BFSP1: variants seen among roughly 807,000 people sequenced by gnomAD.
The protein encoded by BFSP1 is beaded filament structural protein 1.
BFSP1 carries 38 observed loss-of-function variants against 43.9 expected under a neutral mutation model. The observed-to-expected ratio is 0.87, with a 90% CI of 0.67 to 1.14. BFSP1 has a LOEUF of 1.14. BFSP1 is among the 50% of genes most tolerant of loss of function. The pLI is 0.00. For missense variants in BFSP1, 850 were observed against 875.1 expected (o/e 0.97, Z 0.36); for synonymous variants, 352 against 354.8 (o/e 0.99, Z 0.09).
rs746113653 is a variant in BFSP1, at chr20:17,524,888, C to T, written c.398G>A (p.Cys133Tyr). ...AAGCATTTCTTTTAGCAGGAGTTGA[C>T]ATTCGCACTCATTTTCATACCTGCA... ...FRSKYENECE[C>Y]QLLLKEMLER... Residue 133 changes from cysteine (C) to tyrosine (Y), a missense_variant, in exon 2 of 8, where the codon TGT (cysteine) becomes TAT (tyrosine). Coordinates refer to ENST00000377873, the MANE Select transcript of BFSP1 (RefSeq NM_001195.5). 2 of 1,614,124 alleles carry T rather than the reference C, an allele frequency of 1.2e-6. No individual in the cohort carries two copies. Among genetic ancestry groups the T allele is most frequent in the Non-Finnish European group, 8.5e-7 (1 of 1,179,978 alleles).
At chr20:17,542,988 C>T (rs1356799781) in intron 1 of BFSP1, among the ~76,000 whole-genome samples, 2 of 152,106 alleles carry the variant, frequency 1.3e-5, no homozygotes, top group Admixed American at 6.5e-5. Context: ...GTTTCAGCAC[C>T]GCTAGAGGAA....
upstream of BFSP1, chr20:17,562,833 C>T (rs752536282): frequency 6.6e-6 from 1 of 152,158 alleles, no homozygotes; most frequent in East Asian, 1.9e-4. Context: ...AAATAGATGC[C>T]AGGGCCCTTG....
In BFSP1 at chr20:17,514,724, C is replaced by T; in HGVS notation, c.531G>A (p.Lys177=). Residue 177 remains lysine, a synonymous_variant, in exon 3 of 8, where the codon AAG becomes AAA. Coordinates refer to ENST00000377873, the MANE Select transcript of BFSP1 (RefSeq NM_001195.5). ...GGCTTCAAGGGGTCATGATTACCTT[C>T]TTGTGCCTGTCCTTTGCCGCACTGA... ...DDISAAKDRH[K]KNLLEVQTYI... is the part of the protein sequence containing the mutation. 1 of 1,613,932 alleles carries T rather than the reference C, an allele frequency of 6.2e-7. No homozygotes were observed.
At chr20:17,538,069 CAA>C (rs2034658594) in intron 1 of BFSP1, among the ~76,000 whole-genome samples, 1 of 151,300 alleles carries the variant, frequency 6.6e-6, no homozygotes, top group African/African-American at 2.4e-5. Flanking sequence ...TGCCGTGAGC[CAA>C]GACTGTGCCA....
At chr20:17,563,886 A>G (rs1028169172), upstream of BFSP1, among the ~76,000 whole-genome samples, 3 of 96,960 alleles carry the variant, frequency 3.1e-5, no homozygotes, top group African/African-American at 5.0e-5. Flanking sequence ...GACCGTGTCT[A>G]AAAAAAAAAA....
Position 17,556,343 on chromosome 20 carries a change from C to T in BFSP1, c.2+2345G>A, listed in dbSNP as rs145163811. Among the ~76,000 whole-genome samples, 170 of 151,932 alleles carry T rather than the reference C, an allele frequency of 1.1e-3. 1 individual carries two copies. Among genetic ancestry groups the T allele is most frequent in the African/African-American group, 3.8e-3 (158 of 41,458 alleles). On this transcript the variant is annotated intron_variant, in intron 1 of 7. Coordinates refer to the BFSP1 transcript ENST00000377868. Reference sequence around the variant, plus strand: ...CATAGCAAGACTCTACAAAAAAATACAATAGTTAGCTGGGCATGGTGGTGT... The same window carrying T: ...CATAGCAAGACTCTACAAAAAAATATAATAGTTAGCTGGGCATGGTGGTGT...
At chr20:17,524,980 A>G (rs1210223838) in intron 1 of BFSP1, 72 bp from the exon 2 acceptor site, 1 of 1,357,314 alleles carries the variant, frequency 7.4e-7, no homozygotes, top group South Asian at 1.2e-5. Flanking sequence ...CATAATCAGC[A>G]TTAAATTCAA....
rs561524698 is a variant in BFSP1, at chr20:17,516,091, G to A, written c.439-1275C>T. The stretch of plus-strand genomic sequence containing the variant: ...CACCTGTAGTCCCAGCACTTTGGGA[G>A]GCTGAAGCAGGTGGATCACCTGAGG... On this transcript the variant is annotated intron_variant, in intron 2 of 7. Coordinates refer to ENST00000377873, the MANE Select transcript of BFSP1 (RefSeq NM_001195.5). Among the ~76,000 whole-genome samples, 3 of 152,280 alleles carry A rather than the reference G, an allele frequency of 2.0e-5. No individual in the cohort carries two copies. In the East Asian group the frequency reaches 5.8e-4, roughly 29 times the overall value.
At chr20:17,564,500 A>C (rs2035098127) in intron 1 of BFSP1, among the ~76,000 whole-genome samples, 2 of 152,334 alleles carry the variant, frequency 1.3e-5, no homozygotes, top group East Asian at 1.9e-4. Context: ...TAAAGCCTTA[A>C]GCCCTTATTT....
upstream of BFSP1, among the ~76,000 whole-genome samples, chr20:17,534,828 G>A (rs1377997529): frequency 6.6e-6 from 1 of 151,930 alleles, no homozygotes; most frequent in Non-Finnish European, 1.5e-5. Context: ...AGACCAGCCT[G>A]GCCAACATGG....
Position 17,566,237 on chromosome 20 carries a change from TTA to T in BFSP1, n.50+2932_50+2933del, listed in dbSNP as rs201891405. ...TTTTCTATGCTGTATATTGACAGTG[TTA>T]TGTCTCCCAGCAAAGGAGCTTTCCC... On this transcript the variant is annotated intron_variant and non_coding_transcript_variant, in intron 1 of 6. Transcript: ENST00000473415. Among the ~76,000 whole-genome samples the T allele has an allele frequency of 1.0e-3, 157 of 152,224 alleles. 1 individual carries two copies. In the East Asian group the frequency reaches 0.025, roughly 24 times the overall value.
Position 17,494,979 on chromosome 20 carries a change from C to T in BFSP1, c.1093G>A (p.Ala365Thr). Residue 365 changes from alanine to threonine, a missense_variant, in exon 8 of 8, where the codon GCC (alanine) becomes ACC (threonine). Ala to Thr is a moderately conservative substitution (Grantham distance 58). Transcript: ENST00000377873. ...CTCCTTGGAACATTCTTGGGGAGGG[C>T]TTTTTGTCTTGGTTTTGCTGCTGTT... is the stretch of plus-strand genomic sequence containing the variant. ...DITAAKPRQKALPKNVPRRKE... is the reference protein window; with the variant it reads ...DITAAKPRQKTLPKNVPRRKE... 6.2e-7 allele frequency: 1 copy of T among 1,613,894 alleles called. No individual in the cohort carries two copies. Among genetic ancestry groups the T allele is most frequent in the Non-Finnish European group, 8.5e-7 (1 of 1,179,992 alleles).
At chr20:17,552,888 A>T (rs1032306665) in intron 1 of BFSP1, among the ~76,000 whole-genome samples, 2 of 152,234 alleles carry the variant, frequency 1.3e-5, no homozygotes, top group African/African-American at 4.8e-5. Flanking sequence ...TTGAATAGAC[A>T]GTTGCATCTA....
At chr20:17,497,345 C>T (rs2033658439) in intron 6 of BFSP1, among the ~76,000 whole-genome samples, 1 of 150,562 alleles carries the variant, frequency 6.6e-6, no homozygotes, top group Non-Finnish European at 1.5e-5. Context: ...TGTTTTTTTG[C>T]CTTTTTGATT....
At position 17,494,152 on chromosome 20, in the gene BFSP1, T is replaced by C. The variant is rs748912992; in HGVS notation, c.1920A>G (p.Glu640=). 2.9e-5 allele frequency: 47 copies of C among 1,614,102 alleles called. No homozygotes were observed. In the East Asian group the frequency reaches 1.0e-3, roughly 34 times the overall value. ...KISTESIQTY[E]ETAVIVETMI... is the part of the protein sequence containing the mutation. ...TGGTCTCCACGATCACAGCGGTTTCTTCATATGTCTGAATGCTCTCCGTGG... is the reference window on the plus strand; with the variant it reads ...TGGTCTCCACGATCACAGCGGTTTCCTCATATGTCTGAATGCTCTCCGTGG... The change falls in exon 8 of 8, where the codon GAA becomes GAG. Residue 640 remains glutamate (E), a synonymous_variant. Transcript: ENST00000377873.
chr20:17,531,779 T>C (rs1434192245), upstream of BFSP1, among the ~76,000 whole-genome samples: 1 of 152,176 alleles, frequency 6.6e-6, no homozygotes, highest in African/African-American at 2.4e-5. Flanking sequence ...TGTAGAACTC[T>C]TTAACAATGC....
upstream of BFSP1, among the ~76,000 whole-genome samples, chr20:17,533,452 G>T (rs1001087528): frequency 2.0e-5 from 3 of 151,030 alleles, no homozygotes; most frequent in East Asian, 1.9e-4. Context: ...GGGGCTGGGA[G>T]CTCAGCTGTC....
intron 1 of BFSP1, among the ~76,000 whole-genome samples, chr20:17,538,875 T>C (rs963366978): frequency 6.6e-6 from 1 of 152,138 alleles, no homozygotes; most frequent in Non-Finnish European, 1.5e-5. Flanking sequence ...TAAGATATCA[T>C]TAAACAAACC....
intron 1 of BFSP1, among the ~76,000 whole-genome samples, chr20:17,530,640 G>GTATA (rs1338221020): frequency 6.6e-6 from 1 of 152,206 alleles, no homozygotes; most frequent in Non-Finnish European, 1.5e-5. Context: ...GGTAACACGG[G>GTATA]TATATACATT....
Sources: gnomAD v4.1 joint callset for allele counts (sites outside exome capture counted in the v4.1 genomes callset) on GRCh38, gnomAD v4.1.1 for gene constraint, MANE v1.5 for transcripts, NCBI Gene and HGNC (gene_info 2026-07-23, HGNC 2026-07-21) for gene names.